The following PHF24 variants were observed in gnomAD, a reference collection of about 807,000 sequenced individuals.
PHF24 encodes Galpha inhibitory interacting protein.
A neutral mutation model predicts 42.6 loss-of-function variants in PHF24; 25 were observed. The observed-to-expected ratio is 0.59, with a 90% confidence interval of 0.43 to 0.82. PHF24 has a LOEUF of 0.82. Among genes scored for constraint, PHF24 ranks in the 40% least tolerant of loss-of-function variants. The pLI is 0.00. For synonymous variants in PHF24, 185 were observed against 204.8 expected, an observed-to-expected ratio of 0.90 and a Z score of 0.83; for missense variants, 470 against 538.1, an observed-to-expected ratio of 0.87 and a Z score of 1.25.
At chr9:34,978,169 T>C in exon 8 of PHF24, 2 of 1,349,166 alleles carry the variant, frequency 1.5e-6, no homozygotes, top group East Asian at 2.3e-5. Context: ...CTTTCCTTTC[T>C]CCCTTCCCCC....
chr9:34,710,944 C>T, the PHF24 span, among the ~76,000 whole-genome samples: 1 of 152,040 alleles, frequency 6.6e-6, no homozygotes, highest in South Asian at 2.1e-4. Context: ...ATTTTGATTC[C>T]CCTTTGCTTT....
the PHF24 span, among the ~76,000 whole-genome samples, chr9:34,791,387 C>A: frequency 1.3e-5 from 2 of 152,118 alleles, no homozygotes; most frequent in Admixed American, 6.5e-5. Context: ...GGAGCAGAAG[C>A]ATTCAGTTTT....
At chr9:34,971,386 G>A (rs1826972515) in exon 2 of PHF24, 2 of 1,614,072 alleles carry the variant, frequency 1.2e-6, no homozygotes, top group African/African-American at 1.3e-5. Context: ...TGGGCTGCGG[G>A]ACAGGCCTTC....
chr9:34,760,926 A>C, the PHF24 span, among the ~76,000 whole-genome samples: 1 of 151,722 alleles, frequency 6.6e-6, no homozygotes, highest in Admixed American at 6.6e-5. Context: ...CAGGAGGTAG[A>C]GGCTGCAGTG....
chr9:34,969,599 C>A (rs796162647), intron 1 of PHF24, among the ~76,000 whole-genome samples: 1 of 151,246 alleles, frequency 6.6e-6, no homozygotes, highest in East Asian at 2.0e-4. Context: ...CAAGATCGTG[C>A]CACTGCACTC....
chr9:34,768,302 G>A, the PHF24 span, among the ~76,000 whole-genome samples: 1 of 152,320 alleles, frequency 6.6e-6, no homozygotes, highest in East Asian at 1.9e-4. Flanking sequence ...CAAAACCACA[G>A]ACTACGGCTC....
intron 1 of PHF24, among the ~76,000 whole-genome samples, chr9:34,961,062 A>G (rs1221608700): frequency 1.3e-5 from 2 of 152,126 alleles, no homozygotes; most frequent in South Asian, 2.1e-4. Context: ...CTTTCCTTCA[A>G]CATGGATAGT....
chr9:34,845,046 C>A, the PHF24 span, among the ~76,000 whole-genome samples: 3 of 152,248 alleles, frequency 2.0e-5, no homozygotes, highest in South Asian at 6.2e-4. Context: ...ATTATATCCT[C>A]TTGATGAATT....
the PHF24 span, chr9:34,723,055 G>T: frequency 1.3e-6 from 1 of 756,720 alleles, no homozygotes; most frequent in Non-Finnish European, 2.1e-6. Flanking sequence ...ACAATGTATT[G>T]CTGAGAAATA....
At chr9:34,717,611 C>T in the PHF24 span, among the ~76,000 whole-genome samples, 5 of 152,150 alleles carry the variant, frequency 3.3e-5, no homozygotes, top group Admixed American at 2.0e-4. Flanking sequence ...GGGGTATGCA[C>T]GTGAAACCAA....
the PHF24 span, among the ~76,000 whole-genome samples, chr9:34,903,986 C>T: frequency 6.6e-6 from 1 of 152,072 alleles, no homozygotes; most frequent in Non-Finnish European, 1.5e-5. Flanking sequence ...TCCGCTTGGT[C>T]ACTGTTGGTG....
At chr9:34,783,684 T>A in the PHF24 span, among the ~76,000 whole-genome samples, 1 of 152,240 alleles carries the variant, frequency 6.6e-6, no homozygotes, top group Admixed American at 6.5e-5. Flanking sequence ...CTGGTAATAT[T>A]TAGGGACTTG....
chr9:34,751,890 C>G, the PHF24 span, among the ~76,000 whole-genome samples: 1 of 151,646 alleles, frequency 6.6e-6, no homozygotes, highest in African/African-American at 2.4e-5. Context: ...AACTCAATAA[C>G]AAGAGAAAAT....
At chr9:34,699,567 C>T in the PHF24 span, among the ~76,000 whole-genome samples, 10 of 152,186 alleles carry the variant, frequency 6.6e-5, no homozygotes, top group African/African-American at 2.4e-4. Context: ...CTGCCAAGAT[C>T]CTAAATGACA....
the PHF24 span, among the ~76,000 whole-genome samples, chr9:34,829,728 C>T: frequency 6.6e-6 from 1 of 152,066 alleles, no homozygotes; most frequent in Non-Finnish European, 1.5e-5. Context: ...ATATTTTAAC[C>T]ATTCAGGCAA....
At chr9:34,871,041 G>A in the PHF24 span, among the ~76,000 whole-genome samples, 7 of 152,182 alleles carry the variant, frequency 4.6e-5, no homozygotes, top group Non-Finnish European at 7.4e-5. Context: ...TTTCCAAAGT[G>A]TTTGTGCTAT....
the PHF24 span, among the ~76,000 whole-genome samples, chr9:34,807,458 C>T: frequency 2.6e-5 from 4 of 152,144 alleles, no homozygotes; most frequent in East Asian, 5.8e-4. Flanking sequence ...TCAAGAAAAG[C>T]CGTGGTTGGA....
At chr9:34,690,864 C>G in the PHF24 span, among the ~76,000 whole-genome samples, 2 of 152,196 alleles carry the variant, frequency 1.3e-5, no homozygotes, top group Non-Finnish European at 2.9e-5. Context: ...CCATAGGCCC[C>G]AGGATGTGCT....
the PHF24 span, among the ~76,000 whole-genome samples, chr9:34,737,029 A>C: frequency 1.3e-5 from 2 of 152,156 alleles, no homozygotes; most frequent in Non-Finnish European, 2.9e-5. Flanking sequence ...CCATATTTTA[A>C]AAATTAAGGT....
Sources: gnomAD v4.1 joint callset for allele counts (sites outside exome capture counted in the v4.1 genomes callset) on GRCh38, gnomAD v4.1.1 for gene constraint, MANE v1.5 for transcripts, NCBI Gene and HGNC (gene_info 2026-07-23, HGNC 2026-07-21) for gene names.